The following ASAH2 variants were observed in gnomAD, a reference collection of about 807,000 sequenced individuals.
ASAH2 encodes neutral ceramidase.
ASAH2 carries 58 observed loss-of-function variants against 82.9 expected under a neutral mutation model. The observed-to-expected ratio is 0.70, with a 90% confidence interval of 0.57 to 0.87. The LOEUF (loss-of-function observed/expected upper bound fraction) is 0.87. Ranked by LOEUF, ASAH2 falls within the 40% of genes least tolerant of loss-of-function variation. ASAH2 has a pLI of 0.00. For synonymous variants in ASAH2, 276 were observed against 289.7 expected (o/e 0.95, Z 0.48); for missense variants, 779 against 834.0 (o/e 0.93, Z 0.81).
rs528332713 is a variant in ASAH2 at position 50,243,991 on chromosome 10, A to G, written c.361-640T>C. Among the ~76,000 whole-genome samples the G allele has an allele frequency of 2.0e-5, 3 of 152,336 alleles. No homozygotes were observed. In the East Asian group the frequency reaches 5.8e-4, roughly 29 times the overall value. ...CATGGGGTGGTAAAGAAATTTACCAAGACAATCATAGGTAAAGAAAGGCAG... is the reference window on the plus strand; with the variant it reads ...CATGGGGTGGTAAAGAAATTTACCAGGACAATCATAGGTAAAGAAAGGCAG... On this transcript the variant is annotated intron_variant, in intron 3 of 20. Coordinates refer to ENST00000682911, the MANE Select transcript of ASAH2 (RefSeq NM_019893.4).
At chr10:50,246,281 T>C (rs1846456311) in intron 2 of ASAH2, among the ~76,000 whole-genome samples, 1 of 152,180 alleles carries the variant, frequency 6.6e-6, no homozygotes, top group East Asian at 1.9e-4. Context: ...TTCTCAGCTA[T>C]AAAATGGAGA....
rs370589870 is a variant in ASAH2, at chr10:50,245,227, T to C, written c.355A>G (p.Asn119Asp). Residue 119 changes from asparagine (N) to aspartate (D), a missense_variant, in exon 3 of 21, where the codon AAT becomes GAT. Transcript: ENST00000682911. ...ADCTGQVADINLMGYGKSGQN... is the reference protein window; with the variant it reads ...ADCTGQVADIDLMGYGKSGQN... Reference sequence around the variant, plus strand: ...GGAGCCCATTGTCTACTTGCCAAATTGATATCTGCTACTTGTCCTGTGCAG... The same window carrying C: ...GGAGCCCATTGTCTACTTGCCAAATCGATATCTGCTACTTGTCCTGTGCAG... 6.2e-6 allele frequency: 10 copies of C among 1,612,884 alleles called. No individual in the cohort carries two copies. In the African/African-American group the frequency reaches 1.1e-4, roughly 17 times the overall value.
rs1264348423 is a variant in ASAH2, at chr10:50,198,991, T to TACACAC, written c.1857+54_1857+59dup. On this transcript the variant is annotated intron_variant, in intron 17 of 20. Transcript: ENST00000682911. ...ACCCAGACACAGACACATACAGACA[T>TACACAC]ACACACACACACACACACACACGCA... 1.2e-4 allele frequency: 174 copies of TACACAC among 1,438,922 alleles called. No individual in the cohort carries two copies. The African/African-American group carries it at 2.2e-3, about 18-fold the overall frequency. 89.1% of individuals were successfully genotyped at this position (1,438,922 alleles called of 1,614,324 possible).
At chr10:50,249,001 G>A (rs984925187) in intron 1 of ASAH2, among the ~76,000 whole-genome samples, 1 of 152,156 alleles carries the variant, frequency 6.6e-6, no homozygotes, top group Non-Finnish European at 1.5e-5. Context: ...TCTGTACATG[G>A]GTCTGGGCTG....
intron 5 of ASAH2, 90 bp downstream of exon 5, chr10:50,235,798 C>T: frequency 7.0e-7 from 1 of 1,438,612 alleles, no homozygotes; most frequent in Non-Finnish European, 9.8e-7. Flanking sequence ...GACCCAAATC[C>T]TATAGGGATT....
intron 2 of ASAH2, 75 bp downstream of exon 2, chr10:50,248,409 T>C (rs1173761213): frequency 1.9e-6 from 3 of 1,544,356 alleles, no homozygotes; most frequent in Non-Finnish European, 2.6e-6. Context: ...ACTGTTTTTC[T>C]CTTTGGTGTC....
chr10:50,201,456 G>A (rs1165255520), intron 16 of ASAH2, among the ~76,000 whole-genome samples: 3 of 152,074 alleles, frequency 2.0e-5, no homozygotes, highest in African/African-American at 7.2e-5. Context: ...GCACCCAAAA[G>A]CACTTACCTT....
rs1845432654 is a variant in ASAH2 at position 50,210,803 on chromosome 10, T to A, written c.1414+20A>T. The A allele has an allele frequency of 6.3e-7, 1 of 1,580,292 alleles. No homozygotes were observed. Among genetic ancestry groups the A allele is most frequent in the Non-Finnish European group, 8.7e-7 (1 of 1,149,194 alleles). ...AGCTTCAGAAGCTGAAACCATAGAT[T>A]TTACTGGACTTCACCTTACCCTGTG... is the stretch of plus-strand genomic sequence containing the variant. On this transcript the variant is annotated intron_variant, in intron 12 of 20. Coordinates refer to ENST00000682911, the MANE Select transcript of ASAH2 (RefSeq NM_019893.4).
rs1294183505 is a variant in ASAH2 at position 50,218,437 on chromosome 10, C to A, written c.1014+73G>T. The stretch of plus-strand genomic sequence containing the variant: ...CACTTTATTCTGGAGATTTGAATCA[C>A]CTCTTCTGAATGCAGCATGAATGAT... On this transcript the variant is annotated intron_variant, in intron 8 of 20. Transcript: ENST00000682911. 3.7e-6 allele frequency: 6 copies of A among 1,601,352 alleles called. No homozygotes were observed. The African/African-American group carries it at 8.0e-5, about 21-fold the overall frequency.
At chr10:50,224,023 T>C (rs1845814882) in intron 7 of ASAH2, among the ~76,000 whole-genome samples, 1 of 152,204 alleles carries the variant, frequency 6.6e-6, no homozygotes, top group Non-Finnish European at 1.5e-5. Context: ...TTCTGTTGTT[T>C]TAAGCCACCT....
Position 50,187,080 on chromosome 10 carries a change from C to CA in ASAH2, c.*234dup. ...GGCTGCTGGAGCAAGATATATGGGA[C>CA]AAACCTCTCTCTCTCTCTCTCTCTC... On this transcript the variant is annotated 3_prime_UTR_variant, in exon 21 of 21. Coordinates refer to ENST00000682911, the MANE Select transcript of ASAH2 (RefSeq NM_019893.4). The CA allele has an allele frequency of 6.2e-6, 2 of 320,058 alleles. No individual in the cohort carries two copies. The highest frequency in any genetic ancestry group is 5.8e-6 in the Non-Finnish European group (1 of 172,272). The allele number at this position is 320,058 out of a possible 1,614,324, so 19.8% of individuals were successfully genotyped here.
intron 8 of ASAH2, among the ~76,000 whole-genome samples, chr10:50,216,180 T>G (rs1358347132): frequency 3.3e-5 from 5 of 151,500 alleles, no homozygotes; most frequent in Admixed American, 1.3e-4. Flanking sequence ...TGGGGAGGGA[T>G]AGCATTAGGA....
At chr10:50,243,374 A>T in intron 3 of ASAH2, 23 bp from the exon 4 acceptor site, 4 of 1,612,862 alleles carry the variant, frequency 2.5e-6, no homozygotes, top group Non-Finnish European at 3.4e-6. Context: ...AGACAATCAG[A>T]GCTGCTCTGT....
At chr10:50,212,182 A>AACACACACAC (rs3837301) in intron 10 of ASAH2, among the ~76,000 whole-genome samples, 8,351 of 146,958 alleles carry the variant, frequency 0.057, 308 homozygotes, top group East Asian at 0.21. Flanking sequence ...AAACTATTTA[A>AACACACACAC]ACACACACAC....
rs1039644303 is a variant in ASAH2, at chr10:50,204,741, C to T, written c.1625+120G>A. 1.3e-3 allele frequency: 1,015 copies of T among 787,240 alleles called. 4 individuals carry two copies. Among genetic ancestry groups the T allele is most frequent in the Non-Finnish European group, 1.7e-3 (824 of 475,236 alleles). The allele number at this position is 787,240 out of a possible 1,614,324, so 48.8% of individuals were successfully genotyped here. ...GGGTAGGAATATTTGCCACTGTCAC[C>T]AAACAGTACAGTAGGATACCAAGGG... is the stretch of plus-strand genomic sequence containing the variant. On this transcript the variant is annotated intron_variant, in intron 14 of 20. Transcript: ENST00000682911.
chr10:50,235,870 C>T lies in ASAH2; in HGVS notation c.687+18G>A. ...AAGCAATGGTAAAGAACAGCTGCCT[C>T]TGGGGCTCTTTGCCTACCTTCAAGA... On this transcript the variant is annotated intron_variant, in intron 5 of 20. Transcript: ENST00000682911. 1.2e-6 allele frequency: 2 copies of T among 1,612,576 alleles called. No homozygotes were observed. The highest frequency in any genetic ancestry group is 1.7e-6 in the Non-Finnish European group (2 of 1,178,766).
Position 50,206,157 on chromosome 10 carries a change from A to G in ASAH2, c.1415-60T>C, listed in dbSNP as rs1845290362. 5 of 1,134,444 alleles carry G rather than the reference A, an allele frequency of 4.4e-6. No individual in the cohort carries two copies. The South Asian group carries it at 4.9e-5, about 11-fold the overall frequency. The allele number at this position is 1,134,444 out of a possible 1,614,324, so 70.3% of individuals were successfully genotyped here. The stretch of plus-strand genomic sequence containing the variant: ...AACCAACCCTCTCAAAAAAGTCATT[A>G]TCTTGACAAATATTGTACAATAATC... On this transcript the variant is annotated intron_variant, in intron 12 of 20. Coordinates refer to ENST00000682911, the MANE Select transcript of ASAH2 (RefSeq NM_019893.4).
chr10:50,228,800 G>A (rs1353613451), intron 7 of ASAH2, among the ~76,000 whole-genome samples: 5 of 151,958 alleles, frequency 3.3e-5, no homozygotes, highest in African/African-American at 1.2e-4. Flanking sequence ...AGGAGAAGCG[G>A]GATGAGGAGC....
chr10:50,248,483 C>A lies in ASAH2; in HGVS notation c.127+1G>T. 1 of 1,613,498 alleles carries A rather than the reference C, an allele frequency of 6.2e-7. No homozygotes were observed. The highest frequency in any genetic ancestry group is 1.1e-5 in the South Asian group (1 of 91,012). ...CATCTAAGAGAGCCCATGACACTTGCCTTTGTGGTTTTCAATGGTCCCACT... is the reference window on the plus strand; with the variant it reads ...CATCTAAGAGAGCCCATGACACTTGACTTTGTGGTTTTCAATGGTCCCACT... On this transcript the variant is annotated splice_donor_variant, in intron 2 of 20. Coordinates refer to ENST00000682911, the MANE Select transcript of ASAH2 (RefSeq NM_019893.4). LOFTEE classifies it high-confidence loss of function.
Sources: allele counts gnomAD v4.1 joint callset (sites outside exome capture counted in the v4.1 genomes callset), GRCh38; gene constraint gnomAD v4.1.1; transcripts MANE v1.5; gene names NCBI Gene and HGNC (gene_info 2026-07-23, HGNC 2026-07-21).